CACNA1B: variants seen among roughly 807,000 people sequenced by gnomAD.
CACNA1B encodes the protein calcium voltage-gated channel subunit alpha1 B.
In CACNA1B, 70 loss-of-function variants were observed where a neutral mutation model predicts 247.2. The ratio of observed to expected loss-of-function variants is 0.28; its 90% CI spans 0.23 to 0.35. CACNA1B has a LOEUF of 0.35. CACNA1B is among the 10% of genes least tolerant of loss of function. The pLI is 1.00. For missense variants in CACNA1B, 2,367 were observed against 3,197.4 expected (o/e 0.74, Z 6.26); for synonymous variants, 1,231 against 1,294.4 (o/e 0.95, Z 1.05).
At chr9:138,120,980 G>A in intron 46 of CACNA1B, 99 bp downstream of exon 46, 1 of 1,379,976 alleles carries the variant, frequency 7.2e-7, no homozygotes, top group Non-Finnish European at 9.7e-7. Context: ...CCTCGCTGCT[G>A]CCCTTTGTCA....
chr9:138,061,628 G>T (rs1362528246), intron 31 of CACNA1B, among the ~76,000 whole-genome samples: 1 of 152,166 alleles, frequency 6.6e-6, no homozygotes, highest in Non-Finnish European at 1.5e-5. Context: ...TGCATCCCCT[G>T]CGTGTGCTCC....
chr9:137,973,948 G>T lies in CACNA1B; in HGVS notation c.1544-1959G>T, dbSNP rs1445470753. ...TCCTGGGGAGCAAGGTGTGTGCCTG[G>T]GTAGCCTCCCCTCCCAGATCTAGGG... On this transcript the variant is annotated intron_variant, in intron 11 of 46. Transcript: ENST00000371372. This position sits in a 1 kb window ranked among gnomAD's most constrained non-coding sequence, Gnocchi z 4.1. Among the ~76,000 whole-genome samples the T allele has an allele frequency of 6.6e-6, 1 of 152,186 alleles. No individual in the cohort carries two copies. Among genetic ancestry groups the T allele is most frequent in the Non-Finnish European group, 1.5e-5 (1 of 68,028 alleles).
intron 43 of CACNA1B, 123 bp from the exon 44 acceptor site, chr9:138,118,529 A>C (rs971639752): frequency 1.7e-6 from 1 of 594,170 alleles, no homozygotes; most frequent in Non-Finnish European, 3.0e-6. Flanking sequence ...CAGCAGTGGG[A>C]GTTAGGTGAG....
chr9:137,886,365 G>A (rs1281417112), intron 3 of CACNA1B, among the ~76,000 whole-genome samples: 1 of 152,202 alleles, frequency 6.6e-6, no homozygotes, highest in African/African-American at 2.4e-5. Context: ...AGGCGGGAAG[G>A]CCACCACTTC....
At chr9:137,943,305 A>G (rs1957754821) in intron 6 of CACNA1B, among the ~76,000 whole-genome samples, 2 of 152,136 alleles carry the variant, frequency 1.3e-5, no homozygotes, top group African/African-American at 2.4e-5. Context: ...GCTAACACCC[A>G]TTTTAGAGTT....
intron 3 of CACNA1B, chr9:137,892,343 G>T (rs767849870): frequency 4.4e-6 from 2 of 456,756 alleles, no homozygotes; most frequent in Non-Finnish European, 8.8e-6. Flanking sequence ...TGTGGTGGGC[G>T]GTGCTGATCC....
At position 138,058,835 on chromosome 9, in the gene CACNA1B, CA is replaced by C. The variant is rs1276137204; in HGVS notation, c.4473+105del. 16 of 1,101,914 alleles carry C rather than the reference CA, an allele frequency of 1.5e-5. No homozygotes were observed. The highest frequency in any genetic ancestry group is 2.0e-5 in the Non-Finnish European group (15 of 753,440). The allele number at this position is 1,101,914 out of a possible 1,614,324, so 68.3% of individuals were successfully genotyped here. ...CAGCCTTCTTCCTCCCTGCATGAGCCAAAGCAGTAGTGGCCTTGCATCCTGG... is the reference window on the plus strand; with the variant it reads ...CAGCCTTCTTCCTCCCTGCATGAGCCAAGCAGTAGTGGCCTTGCATCCTGG... On this transcript the variant is annotated intron_variant, in intron 29 of 46. Coordinates refer to ENST00000371372, the MANE Select transcript of CACNA1B (RefSeq NM_000718.4). This position sits in a 1 kb window ranked among gnomAD's most constrained non-coding sequence, Gnocchi z 4.7.
rs997624972 is a variant in CACNA1B, at chr9:138,122,770, G to C, written c.*771G>C. 1 of 152,236 alleles carries C rather than the reference G, an allele frequency of 6.6e-6. No homozygotes were observed. Among genetic ancestry groups the C allele is most frequent in the Non-Finnish European group, 1.5e-5 (1 of 68,060 alleles). 9.4% of individuals were successfully genotyped at this position (152,236 alleles called of 1,614,324 possible). On this transcript the variant is annotated 3_prime_UTR_variant, in exon 47 of 47. Coordinates refer to ENST00000371372, the MANE Select transcript of CACNA1B (RefSeq NM_000718.4). ...GGAGACTCCCTGTGCAGCCCTGTCC[G>C]GTCCAGGTGGACGTAGACGGCCCCT... is the stretch of plus-strand genomic sequence containing the variant.
chr9:137,920,683 T>C (rs942774924), intron 6 of CACNA1B, among the ~76,000 whole-genome samples: 2 of 152,230 alleles, frequency 1.3e-5, no homozygotes, highest in African/African-American at 4.8e-5. Flanking sequence ...TGCTTTATGA[T>C]TATGCACGTA....
At chr9:138,112,044 A>G (rs2131362361) in intron 39 of CACNA1B, among the ~76,000 whole-genome samples, 1 of 152,250 alleles carries the variant, frequency 6.6e-6, no homozygotes, top group Middle Eastern at 3.4e-3. Flanking sequence ...TTGAATGAAT[A>G]GATGAATGCC....
chr9:138,037,905 T>C (rs765919367), intron 20 of CACNA1B, among the ~76,000 whole-genome samples: 3 of 152,192 alleles, frequency 2.0e-5, no homozygotes, highest in African/African-American at 4.8e-5. Context: ...GTGAGTTCAG[T>C]GAGGGTCGCA....
rs117101367 is a variant in CACNA1B, at chr9:138,105,394, G to A, written c.5320-305G>A. Among the ~76,000 whole-genome samples, 1,600 of 152,322 alleles carry A rather than the reference G, an allele frequency of 0.011. 17 individuals are homozygous for A. Among genetic ancestry groups the A allele is most frequent in the Non-Finnish European group, 0.016 (1,083 of 68,026 alleles). On this transcript the variant is annotated intron_variant, in intron 38 of 46. Coordinates refer to ENST00000371372, the MANE Select transcript of CACNA1B (RefSeq NM_000718.4). ...GCTACACTCCTACATTCAGCCACAGGCAGGGGTCCCTCAGGGTGAGGAGGT... is the reference window on the plus strand; with the variant it reads ...GCTACACTCCTACATTCAGCCACAGACAGGGGTCCCTCAGGGTGAGGAGGT...
At position 138,052,253 on chromosome 9, in the gene CACNA1B, T is replaced by TGTGC; in HGVS notation, c.3807+68_3807+69insCGTG. The TGTGC allele has an allele frequency of 3.6e-6, 3 of 844,036 alleles. No individual in the cohort carries two copies. Among genetic ancestry groups the TGTGC allele is most frequent in the Admixed American group, 2.0e-5 (1 of 50,108 alleles). The allele number at this position is 844,036 out of a possible 1,614,324, so 52.3% of individuals were successfully genotyped here. On this transcript the variant is annotated intron_variant, in intron 25 of 46. Transcript: ENST00000371372. The surrounding 1 kb of genome is among the most constrained non-coding windows in gnomAD (Gnocchi z 5.1). ...GTGTGTGCGTGTGTGTGTGTGCGTGTGTGTGTGTGTATGCATGCAGTGCAT... is the reference window on the plus strand; with the variant it reads ...GTGTGTGCGTGTGTGTGTGTGCGTGTGTGCGTGTGTGTGTATGCATGCAGTGCAT...
In CACNA1B at chr9:138,059,180, T is replaced by C. The variant is rs1161748874; in HGVS notation, c.4575T>C (p.Phe1525=). Residue 1525 remains phenylalanine, a synonymous_variant, in exon 30 of 47, where the codon TTT becomes TTC. Transcript: ENST00000371372. This position sits in a 1 kb window ranked among gnomAD's most constrained non-coding sequence, Gnocchi z 4.2. ...SMECVLKIIA[F]GVLNYFRDAW... ...AATGCGTGCTGAAGATCATCGCCTT[T>C]GGGGTGCTGGTACGTGCTTTGGTCC... is the stretch of plus-strand genomic sequence containing the variant. The C allele has an allele frequency of 6.2e-7, 1 of 1,602,466 alleles. No individual in the cohort carries two copies. The highest frequency in any genetic ancestry group is 8.5e-7 in the Non-Finnish European group (1 of 1,169,820).
At chr9:137,904,737 T>C (rs1957278834) in intron 3 of CACNA1B, among the ~76,000 whole-genome samples, 1 of 152,114 alleles carries the variant, frequency 6.6e-6, no homozygotes, top group Admixed American at 6.6e-5. Context: ...CTGAGGCTGC[T>C]GGGAGATCCT....
chr9:138,045,967 C>T (rs148947946), intron 21 of CACNA1B, among the ~76,000 whole-genome samples: 3 of 152,266 alleles, frequency 2.0e-5, no homozygotes, highest in African/African-American at 7.2e-5. Flanking sequence ...GCAGGGGAGG[C>T]ATCTCCAGAG....
rs1274277045 is a variant in CACNA1B, at chr9:138,057,541, A to G, written c.3969-191A>G. On this transcript the variant is annotated intron_variant, in intron 26 of 46. Coordinates refer to ENST00000371372, the MANE Select transcript of CACNA1B (RefSeq NM_000718.4). This position sits in a 1 kb window ranked among gnomAD's most constrained non-coding sequence, Gnocchi z 4.0. Reference sequence around the variant, plus strand: ...CTTACACTTAGGTCTGGAATCCATCATGAGTTAATTTTTGTCTATGGAGTA... The same window carrying G: ...CTTACACTTAGGTCTGGAATCCATCGTGAGTTAATTTTTGTCTATGGAGTA... 7.2e-5 allele frequency among the ~76,000 whole-genome samples: 11 copies of G among 152,136 alleles called. No homozygotes were observed. Among genetic ancestry groups the G allele is most frequent in the Non-Finnish European group, 1.5e-4 (10 of 68,022 alleles).
intron 16 of CACNA1B, among the ~76,000 whole-genome samples, chr9:138,009,008 G>A (rs1428594748): frequency 6.6e-6 from 1 of 152,252 alleles, no homozygotes; most frequent in South Asian, 2.1e-4. Flanking sequence ...CACAGTCGGG[G>A]TCCTGACTAT....
At chr9:137,905,068 T>G (rs1957282438) in intron 3 of CACNA1B, among the ~76,000 whole-genome samples, 1 of 152,128 alleles carries the variant, frequency 6.6e-6, no homozygotes, top group Admixed American at 6.6e-5. Flanking sequence ...TTAAAAGCTT[T>G]TAGGGGCCAG....
Sources: gnomAD v4.1 joint callset for allele counts (sites outside exome capture counted in the v4.1 genomes callset) on GRCh38, gnomAD v4.1.1 for gene constraint, Gnocchi (gnomAD v3.1) non-coding constraint, MANE v1.5 for transcripts, NCBI Gene and HGNC (gene_info 2026-07-23, HGNC 2026-07-21) for gene names.